SYN3: variants seen among roughly 807,000 people sequenced by gnomAD.
The protein encoded by SYN3 is synapsin III, also known as synapsin-3.
In SYN3, 35 loss-of-function variants were observed where a neutral mutation model predicts 65.8. That is an observed-to-expected ratio of 0.53 (90% CI 0.41 to 0.70). The LOEUF (loss-of-function observed/expected upper bound fraction) is 0.70, where lower values mean the gene tolerates loss of function less well. SYN3 is among the 30% of genes least tolerant of loss of function. The pLI is 0.00. For missense variants in SYN3, 680 were observed against 749.0 expected, an observed-to-expected ratio of 0.91 and a Z score of 1.08; for synonymous variants, 270 against 292.9, an observed-to-expected ratio of 0.92 and a Z score of 0.80.
chr22:32,864,925 T>A lies in SYN3; in HGVS notation c.701A>T (p.His234Leu). 6.2e-7 allele frequency: 1 copy of A among 1,614,038 alleles called. No homozygotes were observed. Among genetic ancestry groups the A allele is most frequent in the Non-Finnish European group, 8.5e-7 (1 of 1,179,908 alleles). The change falls in exon 6 of 14, where the codon CAT becomes CTT. Residue 234 changes from histidine (H) to leucine (L), a missense_variant. His to Leu is a moderately conservative substitution (Grantham distance 99, BLOSUM62 -3). Coordinates refer to ENST00000358763, the MANE Select transcript of SYN3 (RefSeq NM_003490.4). ...AAAAAGGGCACTCACCATTGGCTTA[T>A]GGTTGGGGAAAAATGTTTGCTCCAC... ...PLVEQTFFPNHKPMVTAPHFP... is the reference protein window; with the variant it reads ...PLVEQTFFPNLKPMVTAPHFP...
At chr22:32,989,707 C>T (rs989714617) in intron 2 of SYN3, among the ~76,000 whole-genome samples, 5 of 148,472 alleles carry the variant, frequency 3.4e-5, no homozygotes, top group African/African-American at 9.8e-5. Context: ...TGGTGGCATG[C>T]GCCTGTAATC....
intron 13 of SYN3, among the ~76,000 whole-genome samples, chr22:32,516,604 G>C (rs1016107599): frequency 6.6e-6 from 1 of 152,098 alleles, no homozygotes; most frequent in Non-Finnish European, 1.5e-5. Context: ...CCTCAGGTGG[G>C]ATCCACCCAC....
intron 7 of SYN3, among the ~76,000 whole-genome samples, chr22:32,592,865 A>G (rs1006877336): frequency 2.6e-5 from 4 of 152,170 alleles, no homozygotes; most frequent in Non-Finnish European, 5.9e-5. Context: ...TGATTTTCCA[A>G]TTCTCAGCAT....
intron 6 of SYN3, among the ~76,000 whole-genome samples, chr22:32,636,371 C>T (rs2059815813): frequency 1.4e-5 from 2 of 147,484 alleles, no homozygotes; most frequent in East Asian, 2.0e-4. Context: ...CACTGCACTC[C>T]AGCCGGGACG....
rs186808200 is a variant in SYN3, at chr22:32,817,307, A to C, written c.711+47608T>G. On this transcript the variant is annotated intron_variant, in intron 6 of 13. Transcript: ENST00000358763. ...CTATTAGCATAGTAAAAGCTCTGAG[A>C]AGTCCTGCTGCATGGTGACCTGTTT... Among the ~76,000 whole-genome samples the C allele has an allele frequency of 5.3e-5, 8 of 152,144 alleles. 1 individual carries two copies. Among genetic ancestry groups the C allele is most frequent in the Admixed American group, 2.0e-4 (3 of 15,282 alleles).
At chr22:32,661,244 C>T (rs942052484) in intron 6 of SYN3, among the ~76,000 whole-genome samples, 29 of 152,254 alleles carry the variant, frequency 1.9e-4, no homozygotes, top group African/African-American at 1.7e-4. Flanking sequence ...CAGACCCCTA[C>T]GCCCTGCTGC....
intron 6 of SYN3, among the ~76,000 whole-genome samples, chr22:32,669,743 A>G (rs2060335851): frequency 6.6e-6 from 1 of 152,182 alleles, no homozygotes; most frequent in Non-Finnish European, 1.5e-5. Flanking sequence ...TGACCATATG[A>G]TTATGTTCTG....
chr22:33,051,515 AG>A lies in SYN3; in HGVS notation c.-163+6776del, dbSNP rs760632582. ...CCTACATTGGGACCCTTTCTGGACA[AG>A]GTGAGAAGTTTTAGGTAGAGGCAAT... On this transcript the variant is annotated intron_variant, in intron 1 of 13. Coordinates refer to ENST00000358763, the MANE Select transcript of SYN3 (RefSeq NM_003490.4). Among the ~76,000 whole-genome samples, 80 of 152,218 alleles carry A rather than the reference AG, an allele frequency of 5.3e-4. No homozygotes were observed. The Middle Eastern group carries it at 0.014, about 26-fold the overall frequency.
At chr22:32,612,906 A>C (rs2059465581) in intron 6 of SYN3, among the ~76,000 whole-genome samples, 1 of 152,150 alleles carries the variant, frequency 6.6e-6, no homozygotes, top group African/African-American at 2.4e-5. Context: ...TCTCATGTTG[A>C]ATTATATTTC....
Position 32,646,314 on chromosome 22 carries a change from C to T in SYN3, c.712-49578G>A, listed in dbSNP as rs79475585. On this transcript the variant is annotated intron_variant, in intron 6 of 13. Coordinates refer to ENST00000358763, the MANE Select transcript of SYN3 (RefSeq NM_003490.4). ...TGGAACTAACTCAAGCTCCAAAAGTCTGGCGCAACTCTAGGAGAAGGGGAG... is the reference window on the plus strand; with the variant it reads ...TGGAACTAACTCAAGCTCCAAAAGTTTGGCGCAACTCTAGGAGAAGGGGAG... 6.8e-3 allele frequency among the ~76,000 whole-genome samples: 1,043 copies of T among 152,300 alleles called. 7 individuals carry two copies. The highest frequency in any genetic ancestry group is 0.04 in the East Asian group (207 of 5,170).
intron 11 of SYN3, 116 bp downstream of exon 11, chr22:32,528,758 C>T: frequency 3.5e-6 from 5 of 1,423,394 alleles, no homozygotes; most frequent in Non-Finnish European, 4.7e-6. Flanking sequence ...CCCATTCCTT[C>T]TCCCCAAGGT....
chr22:32,698,292 A>G (rs909614711), intron 6 of SYN3, among the ~76,000 whole-genome samples: 3 of 151,538 alleles, frequency 2.0e-5, no homozygotes, highest in African/African-American at 7.3e-5. Context: ...TATCTGCATG[A>G]ATCTCTATTG....
chr22:32,796,410 C>T (rs2046429320), intron 6 of SYN3, among the ~76,000 whole-genome samples: 4 of 152,112 alleles, frequency 2.6e-5, no homozygotes, highest in South Asian at 2.1e-4. Flanking sequence ...TAGCCAGAGG[C>T]GAATGTAGCC....
chr22:32,565,603 A>G (rs961800632), intron 7 of SYN3, among the ~76,000 whole-genome samples: 3 of 150,736 alleles, frequency 2.0e-5, no homozygotes, highest in African/African-American at 7.3e-5. Flanking sequence ...TGCAGCCTGG[A>G]ACTCCTGGGC....
chr22:32,997,643 T>C (rs1020427514), intron 2 of SYN3, among the ~76,000 whole-genome samples: 15 of 152,138 alleles, frequency 9.9e-5, no homozygotes, highest in African/African-American at 3.6e-4. Context: ...TTTCTAGCAT[T>C]TGCCAGTTTC....
chr22:32,597,803 C>A (rs2059223741), intron 6 of SYN3, among the ~76,000 whole-genome samples: 1 of 152,132 alleles, frequency 6.6e-6, no homozygotes. Context: ...TGAATCTGTC[C>A]TTCAATCAGG....
intron 6 of SYN3, among the ~76,000 whole-genome samples, chr22:32,822,047 C>G (rs567750509): frequency 4.0e-5 from 6 of 150,086 alleles, no homozygotes; most frequent in African/African-American, 9.8e-5. Flanking sequence ...CCCAGCTACT[C>G]GGGAGGCTGA....
At chr22:33,013,709 T>C (rs1046051735) in intron 1 of SYN3, among the ~76,000 whole-genome samples, 3 of 152,174 alleles carry the variant, frequency 2.0e-5, no homozygotes, top group Non-Finnish European at 4.4e-5. Context: ...CTGACCGACA[T>C]GTCCGCTTTC....
chr22:32,873,425 G>A (rs190207952), intron 4 of SYN3, among the ~76,000 whole-genome samples: 3 of 152,292 alleles, frequency 2.0e-5, no homozygotes, highest in Middle Eastern at 3.4e-3. Context: ...TTGTCAAGTG[G>A]GTTGGGTTTG....
Sources: allele counts gnomAD v4.1 joint callset (sites outside exome capture counted in the v4.1 genomes callset), GRCh38; gene constraint gnomAD v4.1.1; transcripts MANE v1.5; gene names NCBI Gene and HGNC (gene_info 2026-07-23, HGNC 2026-07-21).